The following ITPRID2 variants were observed in gnomAD, a reference collection of about 807,000 sequenced individuals.
The protein encoded by ITPRID2 is protein ITPRID2.
In ITPRID2, 60 loss-of-function variants were observed where a neutral mutation model predicts 124.3. The observed-to-expected ratio is 0.48, with a 90% CI of 0.39 to 0.60. ITPRID2 has a LOEUF of 0.60. Ranked by LOEUF, ITPRID2 falls within the 20% of genes least tolerant of loss-of-function variation. The pLI is 0.00. For missense variants in ITPRID2, 1,553 were observed against 1,512.2 expected (o/e 1.03, Z -0.45); for synonymous variants, 521 against 542.9 (o/e 0.96, Z 0.56).
chr2:181,895,596 C>G (rs1282297189), intron 2 of ITPRID2, among the ~76,000 whole-genome samples: 2 of 152,034 alleles, frequency 1.3e-5, no homozygotes, highest in Admixed American at 6.5e-5. Flanking sequence ...TTTCCAACTA[C>G]TCTTCACTTT....
intron 16 of ITPRID2, among the ~76,000 whole-genome samples, chr2:181,927,921 C>T (rs1308825210): frequency 2.0e-5 from 3 of 152,122 alleles, no homozygotes; most frequent in African/African-American, 7.2e-5. Flanking sequence ...AATGTCCTCA[C>T]CTTATGAATT....
intron 7 of ITPRID2, 120 bp downstream of exon 7, chr2:181,901,024 C>A: frequency 1.3e-6 from 1 of 745,650 alleles, no homozygotes; most frequent in Non-Finnish European, 2.1e-6. Flanking sequence ...GATTGATTAA[C>A]GCAAAAGCCA....
chr2:181,892,657 G>T lies in ITPRID2; in HGVS notation c.254G>T (p.Cys85Phe). The T allele has an allele frequency of 6.2e-7, 1 of 1,614,114 alleles. No individual in the cohort carries two copies. Among genetic ancestry groups the T allele is most frequent in the Non-Finnish European group, 8.5e-7 (1 of 1,180,008 alleles). ...NEKIAIWLKD[C>F]RTPLGASLDE... ...AAGATCGCGATATGGCTCAAGGACT[G>T]CCGGTGAGTGCTCCCTGGTCCGCCC... Residue 85 changes from cysteine to phenylalanine, a missense_variant, in exon 2 of 18, where the codon TGC (cysteine) becomes TTC (phenylalanine). By Grantham distance (205) the Cys-to-Phe change is radical. Transcript: ENST00000431877. This position sits in a 1 kb window ranked among gnomAD's most constrained non-coding sequence, Gnocchi z 5.2.
chr2:181,914,906 G>T (rs1693906407), intron 10 of ITPRID2, among the ~76,000 whole-genome samples: 1 of 152,156 alleles, frequency 6.6e-6, no homozygotes, highest in African/African-American at 2.4e-5. Flanking sequence ...TTTAGATGTT[G>T]GGGAAGAATG....
intron 17 of ITPRID2, 44 bp from the exon 18 acceptor site, chr2:181,929,517 T>C: frequency 7.5e-7 from 1 of 1,332,542 alleles, no homozygotes; most frequent in South Asian, 1.3e-5. Flanking sequence ...TTAATAACAG[T>C]ATTTGAAAGA....
rs912294910 is a variant in ITPRID2, at chr2:181,915,856, C to G, written c.2216C>G (p.Ser739Cys). The G allele has an allele frequency of 1.7e-5, 27 of 1,614,078 alleles. No individual in the cohort carries two copies. The highest frequency in any genetic ancestry group is 2.2e-5 in the Non-Finnish European group (26 of 1,180,046). Residue 739 changes from serine to cysteine, a missense_variant, in exon 11 of 18, where the codon TCT (serine) becomes TGT (cysteine). Transcript: ENST00000431877. The part of the protein sequence containing the change: ...KAGYPLRRSQ[S>C]LPTTLLSPVR... ...GGCTATCCTCTAAGAAGGTCTCAGT[C>G]TTTACCAACCACCTTATTGAGCCCA...
In ITPRID2 at chr2:181,922,368, C is replaced by T. The variant is rs1487213746; in HGVS notation, c.3631C>T (p.His1211Tyr). The stretch of plus-strand genomic sequence containing the variant: ...ATCAATGCCAGCTGCTGAGGAAATG[C>T]ATAAAAATGTGGAGCAAGATGAGTT... ...LPSMPAAEEM[H>Y]KNVEQDELQQ... is the part of the protein sequence containing the mutation. Residue 1211 changes from histidine to tyrosine, a missense_variant, in exon 16 of 18, where the codon CAT becomes TAT. By Grantham distance (83) the His-to-Tyr change is moderately conservative. Transcript: ENST00000431877. 1 of 1,613,690 alleles carries T rather than the reference C, an allele frequency of 6.2e-7. No individual in the cohort carries two copies. Among genetic ancestry groups the T allele is most frequent in the East Asian group, 2.2e-5 (1 of 44,886 alleles).
At position 181,891,766 on chromosome 2, in the gene ITPRID2, G is replaced by A. The variant is rs1479828279; in HGVS notation, c.-301G>A. On this transcript the variant is annotated 5_prime_UTR_variant, in exon 1 of 18. Transcript: ENST00000431877. ...GGCCGGCCTGCTCCGGGCGCGTCAG[G>A]CAGGGGGTGGGGAGCAGGGGCCGGG... is the stretch of plus-strand genomic sequence containing the variant. 31 of 177,112 alleles carry A rather than the reference G, an allele frequency of 1.8e-4. No individual in the cohort carries two copies. In the East Asian group the frequency reaches 4.3e-3, roughly 24 times the overall value. The allele number at this position is 177,112 out of a possible 1,614,324, so 11.0% of individuals were successfully genotyped here.
At chr2:181,897,050 C>T in intron 4 of ITPRID2, 86 bp downstream of exon 4, 1 of 1,138,218 alleles carries the variant, frequency 8.8e-7, no homozygotes, top group Non-Finnish European at 1.3e-6. Flanking sequence ...GGTTTATGAT[C>T]CTCAAGCTAA....
At chr2:181,899,815 G>A (rs1692515550) in intron 6 of ITPRID2, among the ~76,000 whole-genome samples, 1 of 152,218 alleles carries the variant, frequency 6.6e-6, no homozygotes, top group African/African-American at 2.4e-5. Flanking sequence ...TTGGCTGACA[G>A]AGTGAGACGC....
chr2:181,901,621 A>C, intron 7 of ITPRID2, 145 bp from the exon 8 acceptor site: 1 of 526,516 alleles, frequency 1.9e-6, no homozygotes. Flanking sequence ...AGAAGGTTTA[A>C]GTGTTAGATG....
intron 4 of ITPRID2, among the ~76,000 whole-genome samples, chr2:181,897,339 A>G (rs1692285086): frequency 6.6e-6 from 1 of 152,026 alleles, no homozygotes; most frequent in Non-Finnish European, 1.5e-5. Flanking sequence ...GACTTATGTC[A>G]TACTTACAGC....
chr2:181,894,828 C>T (rs897176002), intron 2 of ITPRID2: 1 of 151,964 alleles, frequency 6.6e-6, no homozygotes, highest in Admixed American at 6.6e-5. Flanking sequence ...TATTTGTTTT[C>T]GAAGGAGGAT....
In ITPRID2 at chr2:181,910,687, A is replaced by C; in HGVS notation, c.1486+716A>C. 1.5e-6 allele frequency: 1 copy of C among 649,732 alleles called. No homozygotes were observed. The highest frequency in any genetic ancestry group is 2.8e-6 in the Non-Finnish European group (1 of 358,412). The allele number at this position is 649,732 out of a possible 1,614,324, so 40.2% of individuals were successfully genotyped here. A position where few individuals can be genotyped will look rare whatever the true frequency, so the allele number is the denominator to read the frequency against. ...GCTGAACCACCCTGTTTTTTTTTTA[A>C]ACAAAGATTCGTATGTATGTTCCTA... On this transcript the variant is annotated intron_variant, in intron 9 of 17. Transcript: ENST00000431877. The surrounding 1 kb of genome is among the most constrained non-coding windows in gnomAD (Gnocchi z 4.1).
chr2:181,913,073 A>AT (rs111464954), intron 9 of ITPRID2, among the ~76,000 whole-genome samples: 1,860 of 151,350 alleles, frequency 0.012, 35 homozygotes, highest in South Asian at 0.034. Context: ...TTATTTATTT[A>AT]TTTATTTTTT....
At chr2:181,900,257 C>T (rs1692548455) in intron 6 of ITPRID2, among the ~76,000 whole-genome samples, 1 of 152,166 alleles carries the variant, frequency 6.6e-6, no homozygotes. Context: ...GGACAATTGC[C>T]ACTCCTAGGA....
intron 10 of ITPRID2, among the ~76,000 whole-genome samples, chr2:181,914,880 GAGATACA>G (rs1230421016): frequency 6.6e-6 from 1 of 152,200 alleles, no homozygotes; most frequent in Non-Finnish European, 1.5e-5. Context: ...ATGATGGGGA[GAGATACA>G]AGGAAGTTTT....
rs1691721375 is a variant in ITPRID2 at position 181,891,910 on chromosome 2, C to T, written c.-157C>T. On this transcript the variant is annotated 5_prime_UTR_variant, in exon 1 of 18. Transcript: ENST00000431877. Reference sequence around the variant, plus strand: ...TCCCTCCCCTTCCTTCCCTCCCTCCCTCCCTGTCCCCTCCTCCTCCTCCTC... The same window carrying T: ...TCCCTCCCCTTCCTTCCCTCCCTCCTTCCCTGTCCCCTCCTCCTCCTCCTC... 3.7e-6 allele frequency: 2 copies of T among 539,374 alleles called. No individual in the cohort carries two copies. The highest frequency in any genetic ancestry group is 6.5e-6 in the Non-Finnish European group (2 of 307,610). 33.4% of individuals were successfully genotyped at this position (539,374 alleles called of 1,614,324 possible). A position where few individuals can be genotyped will look rare whatever the true frequency, so the allele number is the denominator to read the frequency against.
chr2:181,911,174 A>T (rs1207638648), intron 9 of ITPRID2, among the ~76,000 whole-genome samples: 2 of 152,202 alleles, frequency 1.3e-5, no homozygotes, highest in Non-Finnish European at 2.9e-5. Context: ...GTCTGTGTGC[A>T]TGAGAGAGAA....
Sources: allele counts gnomAD v4.1 joint callset (sites outside exome capture counted in the v4.1 genomes callset), GRCh38; gene constraint gnomAD v4.1.1; non-coding constraint Gnocchi (gnomAD v3.1); transcripts MANE v1.5; gene names NCBI Gene and HGNC (gene_info 2026-07-23, HGNC 2026-07-21).